The following AGMO variants were observed in gnomAD, a reference collection of about 807,000 sequenced individuals.
AGMO encodes the protein glyceryl-ether monooxygenase.
A neutral mutation model predicts 60.2 loss-of-function variants in AGMO; 75 were observed. The observed-to-expected ratio is 1.25, with a 90% confidence interval of 1.03 to 1.51. The LOEUF (loss-of-function observed/expected upper bound fraction) is 1.51. AGMO is among the 40% of genes most tolerant of loss of function. The probability of loss-of-function intolerance (pLI) is 0.00; values close to 1 mark genes in which losing one functional copy is unlikely to be tolerated. For missense variants in AGMO, 763 were observed against 525.5 expected, an observed-to-expected ratio of 1.45 and a Z score of -4.42; for synonymous variants, 261 against 177.1, an observed-to-expected ratio of 1.47 and a Z score of -3.76.
intron 12 of AGMO, among the ~76,000 whole-genome samples, chr7:15,212,734 T>A (rs1443862459): frequency 1.3e-5 from 2 of 151,808 alleles, no homozygotes; most frequent in Non-Finnish European, 2.9e-5. Context: ...GTGCTTTGAG[T>A]AGCATTTTGG....
the AGMO span, among the ~76,000 whole-genome samples, chr7:15,145,490 G>A: frequency 2.0e-5 from 3 of 152,150 alleles, no homozygotes; most frequent in East Asian, 5.8e-4. Context: ...AAGCTTATAT[G>A]TTCAAAGTAA....
intron 12 of AGMO, among the ~76,000 whole-genome samples, chr7:15,247,476 AGAGG>A (rs1210576208): frequency 2.7e-5 from 4 of 149,280 alleles, no homozygotes; most frequent in African/African-American, 1.0e-4. Flanking sequence ...AGAGAGAGAG[AGAGG>A]GAGAGAGAGG....
chr7:15,209,022 T>C (rs921574783), intron 12 of AGMO, among the ~76,000 whole-genome samples: 1 of 152,206 alleles, frequency 6.6e-6, no homozygotes, highest in Non-Finnish European at 1.5e-5. Context: ...GAGGTTTGTT[T>C]CCATAAAAAA....
At chr7:15,127,357 A>G in the AGMO span, among the ~76,000 whole-genome samples, 4 of 152,270 alleles carry the variant, frequency 2.6e-5, 1 homozygote, top group South Asian at 4.1e-4. Context: ...ATATGGCACC[A>G]TTGTTGCCTT....
chr7:15,167,508 T>G, the AGMO span, among the ~76,000 whole-genome samples: 1 of 152,194 alleles, frequency 6.6e-6, no homozygotes, highest in Non-Finnish European at 1.5e-5. Context: ...CTTTGGCAAT[T>G]ACAACCTCCA....
chr7:15,346,219 A>G (rs1040333780), intron 12 of AGMO, among the ~76,000 whole-genome samples: 2 of 152,186 alleles, frequency 1.3e-5, no homozygotes, highest in African/African-American at 4.8e-5. Context: ...TCAGCAATGT[A>G]AACAATGTAA....
intron 12 of AGMO, among the ~76,000 whole-genome samples, chr7:15,251,289 C>CT (rs1455745303): frequency 6.6e-6 from 1 of 152,046 alleles, no homozygotes; most frequent in East Asian, 1.9e-4. Context: ...GAATTTTGAA[C>CT]TTAAATCAGA....
At chr7:15,136,471 C>T in the AGMO span, among the ~76,000 whole-genome samples, 3 of 150,620 alleles carry the variant, frequency 2.0e-5, no homozygotes, top group African/African-American at 7.3e-5. Flanking sequence ...ATTGCTTTAG[C>T]ATTGGTTGAC....
chr7:15,519,140 C>T (rs1783908585), intron 3 of AGMO, among the ~76,000 whole-genome samples: 1 of 151,632 alleles, frequency 6.6e-6, no homozygotes, highest in Non-Finnish European at 1.5e-5. Context: ...AAGGAACAAA[C>T]AAAGCCTCCA....
chr7:15,556,427 T>C (rs910048068), intron 2 of AGMO, among the ~76,000 whole-genome samples: 1 of 152,014 alleles, frequency 6.6e-6, no homozygotes, highest in African/African-American at 2.4e-5. Context: ...AAATTATCCC[T>C]CTAACCTATT....
At chr7:15,163,732 T>C in the AGMO span, among the ~76,000 whole-genome samples, 1 of 151,988 alleles carries the variant, frequency 6.6e-6, no homozygotes, top group African/African-American at 2.4e-5. Flanking sequence ...AGTATTCTGT[T>C]AAAAATTTTT....
At chr7:15,321,973 A>T (rs768527207) in intron 12 of AGMO, among the ~76,000 whole-genome samples, 92 of 152,128 alleles carry the variant, frequency 6.0e-4, no homozygotes, top group Non-Finnish European at 1.0e-3. Flanking sequence ...AAATTCATTA[A>T]AAATGAAAAT....
chr7:15,240,194 G>C (rs1314812436), intron 12 of AGMO, among the ~76,000 whole-genome samples: 1 of 151,938 alleles, frequency 6.6e-6, no homozygotes, highest in African/African-American at 2.4e-5. Context: ...TTCATATTAG[G>C]CTTGCCATAT....
At chr7:15,260,455 C>G (rs1029742562) in intron 12 of AGMO, among the ~76,000 whole-genome samples, 3 of 151,946 alleles carry the variant, frequency 2.0e-5, no homozygotes, top group Non-Finnish European at 4.4e-5. Flanking sequence ...ACTAGTACAA[C>G]AGGAAAATAT....
intron 10 of AGMO, among the ~76,000 whole-genome samples, chr7:15,374,471 G>T (rs1783364884): frequency 6.6e-6 from 1 of 151,968 alleles, no homozygotes; most frequent in Non-Finnish European, 1.5e-5. Context: ...AGATTACATT[G>T]TATTTTATAA....
chr7:15,469,311 T>C (rs965897522), intron 3 of AGMO, among the ~76,000 whole-genome samples: 3 of 152,172 alleles, frequency 2.0e-5, no homozygotes, highest in Non-Finnish European at 2.9e-5. Context: ...TTTAATGTAT[T>C]ACAGCTCAGG....
chr7:15,411,324 T>A (rs972162432), intron 5 of AGMO, among the ~76,000 whole-genome samples: 6 of 151,922 alleles, frequency 3.9e-5, no homozygotes, highest in African/African-American at 1.4e-4. Context: ...ACTATGATAC[T>A]TTGTATTGTT....
intron 12 of AGMO, among the ~76,000 whole-genome samples, chr7:15,294,456 A>G (rs1388654467): frequency 6.6e-6 from 1 of 151,998 alleles, no homozygotes; most frequent in African/African-American, 2.4e-5. Flanking sequence ...AATATTTAAC[A>G]TACCAATAAT....
chr7:15,369,618 C>T (rs978106837), intron 10 of AGMO, among the ~76,000 whole-genome samples: 1 of 152,068 alleles, frequency 6.6e-6, no homozygotes, highest in Non-Finnish European at 1.5e-5. Context: ...CTCCATAACT[C>T]TCTGTAACCA....
Sources: gnomAD v4.1 joint callset for allele counts (sites outside exome capture counted in the v4.1 genomes callset) on GRCh38, gnomAD v4.1.1 for gene constraint, MANE v1.5 for transcripts, NCBI Gene and HGNC (gene_info 2026-07-23, HGNC 2026-07-21) for gene names.